The following ACVR1 variants were observed in gnomAD, a reference collection of about 807,000 sequenced individuals.
The protein encoded by ACVR1 is activin receptor type-1.
ACVR1 carries 38 observed loss-of-function variants against 57.1 expected under a neutral mutation model. The observed-to-expected ratio is 0.67, with a 90% CI of 0.51 to 0.87. The LOEUF is 0.87. ACVR1 is among the 40% of genes least tolerant of loss of function. The pLI is 0.00. For synonymous variants in ACVR1, 212 were observed against 228.1 expected, an observed-to-expected ratio of 0.93 and a Z score of 0.63; for missense variants, 463 against 638.2, an observed-to-expected ratio of 0.73 and a Z score of 2.96.
At chr2:157,862,166 C>CT (rs527590521) in intron 1 of ACVR1, among the ~76,000 whole-genome samples, 1 of 152,058 alleles carries the variant, frequency 6.6e-6, no homozygotes, top group Non-Finnish European at 1.5e-5. Context: ...TCCTACCAAT[C>CT]TTTTTTTTCT....
At chr2:157,875,361 T>C (rs979933258) in intron 1 of ACVR1, among the ~76,000 whole-genome samples, 4 of 152,100 alleles carry the variant, frequency 2.6e-5, no homozygotes, top group African/African-American at 4.8e-5. Flanking sequence ...GATGGATATT[T>C]TGAGGGTGGG....
chr2:157,809,553 T>C (rs918738647), intron 2 of ACVR1, among the ~76,000 whole-genome samples: 1 of 152,024 alleles, frequency 6.6e-6, no homozygotes, highest in African/African-American at 2.4e-5. Flanking sequence ...GGAGAGGTTC[T>C]GGATGGATAC....
chr2:157,778,847 C>T (rs1419460306), intron 4 of ACVR1, among the ~76,000 whole-genome samples: 2 of 152,288 alleles, frequency 1.3e-5, no homozygotes, highest in Middle Eastern at 3.4e-3. Flanking sequence ...TTCATTTACT[C>T]GCTTATTCAG....
intron 1 of ACVR1, among the ~76,000 whole-genome samples, chr2:157,873,769 C>T (rs1230545179): frequency 1.3e-5 from 2 of 152,180 alleles, no homozygotes; most frequent in Non-Finnish European, 2.9e-5. Context: ...TATCTCCTGA[C>T]TCAATCTCTG....
intron 3 of ACVR1, among the ~76,000 whole-genome samples, chr2:157,781,364 T>C (rs1686518258): frequency 6.6e-6 from 1 of 152,204 alleles, no homozygotes; most frequent in Non-Finnish European, 1.5e-5. Flanking sequence ...GTTCAACCTG[T>C]AATATAATAA....
intron 3 of ACVR1, among the ~76,000 whole-genome samples, chr2:157,791,880 T>C (rs1245478102): frequency 6.6e-6 from 1 of 152,216 alleles, no homozygotes. Flanking sequence ...AAGTCATTAC[T>C]GTAACTCTAC....
intron 1 of ACVR1, among the ~76,000 whole-genome samples, chr2:157,823,382 CTG>C (rs1383241143): frequency 6.6e-6 from 1 of 152,126 alleles, no homozygotes; most frequent in Admixed American, 6.5e-5. Flanking sequence ...GACAGAAACA[CTG>C]TTCTCTCCAG....
intron 1 of ACVR1, among the ~76,000 whole-genome samples, chr2:157,825,632 G>T (rs1157388448): frequency 6.6e-6 from 1 of 152,132 alleles, no homozygotes; most frequent in Non-Finnish European, 1.5e-5. Flanking sequence ...TCTAACTAAT[G>T]CCTGGTGATC....
chr2:157,851,892 CACACACACA>C (rs1397605683), intron 1 of ACVR1, among the ~76,000 whole-genome samples: 2 of 5,476 alleles, frequency 3.7e-4, no homozygotes, highest in Admixed American at 3.0e-3. Flanking sequence ...CACACACACA[CACACACACA>C]CACACACACC....
intron 9 of ACVR1, among the ~76,000 whole-genome samples, chr2:157,744,721 C>T (rs1684899508): frequency 1.3e-5 from 2 of 152,226 alleles, no homozygotes; most frequent in Non-Finnish European, 2.9e-5. Flanking sequence ...TGGGTTACTT[C>T]ACCTAACATA....
chr2:157,737,690 A>G (rs1310207265), intron 10 of ACVR1, 25 bp from the exon 11 acceptor site: 1 of 1,614,046 alleles, frequency 6.2e-7, no homozygotes, highest in African/African-American at 1.3e-5. Context: ...AACAAACACC[A>G]CAATGACAAA....
intron 9 of ACVR1, among the ~76,000 whole-genome samples, chr2:157,759,734 A>G (rs1472624872): frequency 6.6e-6 from 1 of 152,124 alleles, no homozygotes; most frequent in African/African-American, 2.4e-5. Flanking sequence ...CATAAAAAAG[A>G]TAACACATCA....
rs983996075 is a variant in ACVR1 at position 157,841,759 on chromosome 2, A to C, written c.-182-23200T>G. On this transcript the variant is annotated intron_variant, in intron 1 of 10. Coordinates refer to ENST00000434821, the MANE Select transcript of ACVR1 (RefSeq NM_001111067.4). ...AGAAAATTGGCAGGGCACGGTGGCTAACACCTGTAATCCCAGCACTTTGGG... is the reference window on the plus strand; with the variant it reads ...AGAAAATTGGCAGGGCACGGTGGCTCACACCTGTAATCCCAGCACTTTGGG... Among the ~76,000 whole-genome samples the C allele has an allele frequency of 5.3e-5, 8 of 152,122 alleles. No homozygotes were observed. The South Asian group carries it at 6.2e-4, about 12-fold the overall frequency.
At chr2:157,762,117 TA>T (rs1685680911) in intron 8 of ACVR1, among the ~76,000 whole-genome samples, 1 of 152,228 alleles carries the variant, frequency 6.6e-6, no homozygotes, top group African/African-American at 2.4e-5. Context: ...CCTATTTTTA[TA>T]ATCAACCCCA....
At chr2:157,848,891 A>G (rs201493796) in intron 1 of ACVR1, among the ~76,000 whole-genome samples, 1 of 152,258 alleles carries the variant, frequency 6.6e-6, no homozygotes, top group East Asian at 1.9e-4. Context: ...TCAAAGAAAC[A>G]GCTGACGAAG....
intron 1 of ACVR1, among the ~76,000 whole-genome samples, chr2:157,849,501 A>G (rs982043697): frequency 3.9e-5 from 6 of 152,244 alleles, no homozygotes. Flanking sequence ...ATATCCAAAC[A>G]CTAGGAAATG....
intron 1 of ACVR1, among the ~76,000 whole-genome samples, chr2:157,855,268 AAG>A (rs1689470733): frequency 9.3e-6 from 1 of 107,122 alleles, no homozygotes; most frequent in Non-Finnish European, 1.8e-5. Context: ...AAAAAAAAAA[AAG>A]TGTGTGTGTG....
chr2:157,846,327 G>A (rs1197465263), intron 1 of ACVR1, among the ~76,000 whole-genome samples: 2 of 152,212 alleles, frequency 1.3e-5, no homozygotes. Context: ...TACTAAATTT[G>A]TCATGATTTG....
At chr2:157,820,567 T>A (rs558947600) in intron 1 of ACVR1, among the ~76,000 whole-genome samples, 72 of 151,530 alleles carry the variant, frequency 4.8e-4, no homozygotes, top group Non-Finnish European at 7.2e-4. Context: ...AATCAGAGAC[T>A]CTCTCTCTTT....
Sources: gnomAD v4.1 joint callset for allele counts (sites outside exome capture counted in the v4.1 genomes callset) on GRCh38, gnomAD v4.1.1 for gene constraint, MANE v1.5 for transcripts, NCBI Gene and HGNC (gene_info 2026-07-23, HGNC 2026-07-21) for gene names.